Variants in TRNT1 observed in about 807,000 individuals in gnomAD.
TRNT1 encodes the protein CCA tRNA nucleotidyltransferase 1, mitochondrial.
In TRNT1, 44 loss-of-function variants were observed where a neutral mutation model predicts 45.6. That is an observed-to-expected ratio of 0.97 (90% CI 0.76 to 1.24). The LOEUF is 1.24. TRNT1 is among the 50% of genes most tolerant of loss of function. TRNT1 has a pLI of 0.00. For synonymous variants in TRNT1, 201 were observed against 171.4 expected, an observed-to-expected ratio of 1.17 and a Z score of -1.35; for missense variants, 633 against 504.4, an observed-to-expected ratio of 1.25 and a Z score of -2.44.
At chr3:3,151,921 T>G (rs1706585674), downstream of TRNT1, among the ~76,000 whole-genome samples, 2 of 152,230 alleles carry the variant, frequency 1.3e-5, no homozygotes, top group African/African-American at 2.4e-5. Context: ...TCTCCGGTTT[T>G]ACATTACTAC....
At chr3:3,133,548 CCT>C (rs1242443334) in intron 2 of TRNT1, among the ~76,000 whole-genome samples, 16 of 150,124 alleles carry the variant, frequency 1.1e-4, no homozygotes, top group African/African-American at 4.0e-4. Context: ...ACAGTGAGAC[CCT>C]CTCTCAAAAA....
intron 2 of TRNT1, chr3:3,131,647 A>C (rs1233600811): frequency 7.8e-6 from 1 of 128,308 alleles, no homozygotes; most frequent in African/African-American, 2.7e-5. Flanking sequence ...CAAAACACCA[A>C]AAGCAATGGC....
chr3:3,137,493 G>A, intron 3 of TRNT1, 40 bp downstream of exon 3: 16 of 1,503,488 alleles, frequency 1.1e-5, no homozygotes, highest in South Asian at 1.3e-5. Flanking sequence ...TTGCTTTTTT[G>A]GTAATTTTTA....
chr3:3,128,918 T>A, intron 1 of TRNT1, 96 bp from the exon 2 acceptor site: 1 of 942,708 alleles, frequency 1.1e-6, no homozygotes. Context: ...AGAGATGAAT[T>A]TCTGAGTTGA....
chr3:3,131,743 C>T (rs1336611874), intron 2 of TRNT1: 2 of 89,792 alleles, frequency 2.2e-5, no homozygotes, highest in Non-Finnish European at 4.8e-5. Flanking sequence ...AGTGAACAGG[C>T]AACCCACAAC....
chr3:3,130,555 A>C (rs1414883293), intron 2 of TRNT1: 1 of 152,424 alleles, frequency 6.6e-6, no homozygotes, highest in Non-Finnish European at 1.5e-5. Context: ...ATCTTTTTTA[A>C]TTGGAGAGAG....
chr3:3,128,598 CAAAAAAAAA>C (rs111647168), intron 1 of TRNT1, among the ~76,000 whole-genome samples: 3 of 96,108 alleles, frequency 3.1e-5, no homozygotes, highest in South Asian at 5.6e-4. Flanking sequence ...GACTCCATCT[CAAAAAAAAA>C]AAAAAAAAAA....
At chr3:3,131,093 TTAA>T (rs1704992532) in intron 2 of TRNT1, among the ~76,000 whole-genome samples, 1 of 150,472 alleles carries the variant, frequency 6.6e-6, no homozygotes, top group Non-Finnish European at 1.5e-5. Flanking sequence ...AAAAAAAAAA[TTAA>T]TGAGATATTT....
chr3:3,131,580 A>T, intron 2 of TRNT1: 1 of 146,888 alleles, frequency 6.8e-6, no homozygotes, highest in Non-Finnish European at 1.5e-5. Flanking sequence ...TAAAAACCCT[A>T]GAAGAAAACC....
In TRNT1 at chr3:3,137,218, TAAAG is replaced by T. The variant is rs779370215; in HGVS notation, c.149-39_149-36del. ...TGTGGTTAAAATAAACACATTGAAA[TAAAG>T]AACTTGGGAATAAAAATCTTATTTT... On this transcript the variant is annotated intron_variant, in intron 2 of 7. Transcript: ENST00000251607. The T allele has an allele frequency of 2.7e-5, 40 of 1,502,514 alleles. 1 individual carries two copies. Among genetic ancestry groups the T allele is most frequent in the African/African-American group, 7.0e-5 (5 of 71,028 alleles). 93.1% of individuals were successfully genotyped at this position (1,502,514 alleles called of 1,614,324 possible). A position where few individuals can be genotyped will look rare whatever the true frequency, so the allele number is the denominator to read the frequency against.
downstream of TRNT1, chr3:3,150,970 G>A (rs142752214): frequency 2.0e-5 from 32 of 1,614,026 alleles, no homozygotes; most frequent in African/African-American, 8.0e-5. Flanking sequence ...GAGGTGACAT[G>A]TCTTTTTTGG....
intron 2 of TRNT1, chr3:3,130,125 G>T: frequency 1.5e-6 from 1 of 673,602 alleles, no homozygotes; most frequent in Non-Finnish European, 2.5e-6. Context: ...GCATTACAAA[G>T]CCTGTGGGAA....
At chr3:3,140,937 C>T (rs1052190280) in intron 4 of TRNT1, among the ~76,000 whole-genome samples, 24 of 152,124 alleles carry the variant, frequency 1.6e-4, no homozygotes, top group Admixed American at 7.2e-4. Flanking sequence ...AAAAAATTAG[C>T]CGGGCGTGGT....
At chr3:3,139,549 C>G (rs1705519225) in intron 3 of TRNT1, among the ~76,000 whole-genome samples, 1 of 152,160 alleles carries the variant, frequency 6.6e-6, no homozygotes, top group Non-Finnish European at 1.5e-5. Context: ...ATTCCTCTTC[C>G]TCCACCGTGC....
downstream of TRNT1, chr3:3,150,941 G>T: frequency 6.2e-7 from 1 of 1,613,968 alleles, no homozygotes; most frequent in Non-Finnish European, 8.5e-7. Flanking sequence ...AGCAGATCGC[G>T]TTAAGCCCCA....
intron 3 of TRNT1, among the ~76,000 whole-genome samples, chr3:3,138,736 C>T (rs1474694852): frequency 6.6e-6 from 1 of 152,106 alleles, no homozygotes; most frequent in East Asian, 1.9e-4. Context: ...TTCAAGAGGT[C>T]TTTCTTAGTA....
chr3:3,140,430 A>T (rs768291814), intron 3 of TRNT1, 80 bp from the exon 4 acceptor site: 47 of 1,471,428 alleles, frequency 3.2e-5, no homozygotes, highest in Non-Finnish European at 4.3e-5. Context: ...CTTTATAAAG[A>T]CAAAAACTTA....
In TRNT1 at chr3:3,144,653, T is replaced by C. The variant is rs759663289; in HGVS notation, c.551T>C (p.Val184Ala). 2 of 1,581,844 alleles carry C rather than the reference T, an allele frequency of 1.3e-6. No homozygotes were observed. Among genetic ancestry groups the C allele is most frequent in the East Asian group, 2.3e-5 (1 of 44,230 alleles). ...TTAAAAAATAAGAAAGTTAGATTTGTTGGACATGCTAAACAGAGAATACAA... is the reference window on the plus strand; with the variant it reads ...TTAAAAAATAAGAAAGTTAGATTTGCTGGACATGCTAAACAGAGAATACAA... ...EDLKNKKVRF[V>A]GHAKQRIQED... The change falls in exon 5 of 8, where the codon GTT becomes GCT. Residue 184 changes from valine (V) to alanine (A), a missense_variant. By Grantham distance (64) the Val-to-Ala change is moderately conservative (BLOSUM62 0). Transcript: ENST00000251607.
intron 6 of TRNT1, 82 bp downstream of exon 6, chr3:3,146,705 C>T (rs1706051076): frequency 1.6e-6 from 2 of 1,268,700 alleles, no homozygotes; most frequent in Admixed American, 2.5e-5. Flanking sequence ...ATGTTTGACT[C>T]ATTTGGTTGA....
Sources: gnomAD v4.1 joint callset for allele counts (sites outside exome capture counted in the v4.1 genomes callset) on GRCh38, gnomAD v4.1.1 for gene constraint, MANE v1.5 for transcripts, NCBI Gene and HGNC (gene_info 2026-07-23, HGNC 2026-07-21) for gene names.